Variants in FUBP1 observed in about 807,000 individuals in gnomAD.
The protein encoded by FUBP1 is far upstream element-binding protein 1.
FUBP1 carries 16 observed loss-of-function variants against 94.9 expected under a neutral mutation model. The ratio of observed to expected loss-of-function variants is 0.17; its 90% CI spans 0.11 to 0.26. The LOEUF is 0.26. FUBP1 is among the 10% of genes least tolerant of loss of function. The probability of loss-of-function intolerance (pLI) is 1.00; values close to 1 mark genes in which losing one functional copy is unlikely to be tolerated. For missense variants in FUBP1, 583 were observed against 808.6 expected, an observed-to-expected ratio of 0.72 and a Z score of 3.38; for synonymous variants, 279 against 254.9, an observed-to-expected ratio of 1.09 and a Z score of -0.90.
chr1:77,976,412 T>C (rs563484972), intron 1 of FUBP1, among the ~76,000 whole-genome samples: 3 of 152,328 alleles, frequency 2.0e-5, no homozygotes, highest in East Asian at 1.9e-4. Flanking sequence ...ATTAGCATTA[T>C]ACAACAATAA....
At chr1:77,967,798 A>AT in intron 3 of FUBP1, 132 bp from the exon 4 acceptor site, 1 of 587,156 alleles carries the variant, frequency 1.7e-6, no homozygotes, top group African/African-American at 1.9e-5. Context: ...AGAGAGTCAA[A>AT]TTTTTTACAC....
Position 77,947,733 on chromosome 1 carries a change from ATGAT to A in FUBP1, c.*1029_*1032del. On this transcript the variant is annotated 3_prime_UTR_variant, in exon 20 of 20. Coordinates refer to ENST00000370768, the MANE Select transcript of FUBP1 (RefSeq NM_003902.5). Reference sequence around the variant, plus strand: ...TACATAAAAAAATTAAGTTGATTCAATGATTGGACTTGTGCATTTACAAAACAAA... The same window carrying A: ...TACATAAAAAAATTAAGTTGATTCAATGGACTTGTGCATTTACAAAACAAA... The A allele has an allele frequency of 1.8e-6, 1 of 564,106 alleles. No individual in the cohort carries two copies. Among genetic ancestry groups the A allele is most frequent in the South Asian group, 1.9e-5 (1 of 52,022 alleles). The allele number at this position is 564,106 out of a possible 1,614,324, so 34.9% of individuals were successfully genotyped here.
intron 1 of FUBP1, among the ~76,000 whole-genome samples, chr1:77,977,618 C>G (rs1658919640): frequency 6.6e-6 from 1 of 152,120 alleles, no homozygotes; most frequent in African/African-American, 2.4e-5. Context: ...ATAGTTGGTT[C>G]CAGTAAATAA....
At chr1:77,961,976 C>T (rs1175094423) in intron 14 of FUBP1, among the ~76,000 whole-genome samples, 1 of 152,148 alleles carries the variant, frequency 6.6e-6, no homozygotes, top group Non-Finnish European at 1.5e-5. Context: ...GAAACAGTGT[C>T]AACCTTGTTT....
chr1:77,948,913 C>T (rs1477874940), intron 19 of FUBP1, 139 bp from the exon 20 acceptor site: 1 of 1,189,100 alleles, frequency 8.4e-7, no homozygotes, highest in Admixed American at 2.0e-5. Flanking sequence ...ATTTGCAAAT[C>T]CCTGGGGGAA....
Position 77,970,029 on chromosome 1 carries a change from A to G in FUBP1, c.121-14T>C, listed in dbSNP as rs2102455699. On this transcript the variant is annotated splice_polypyrimidine_tract_variant and intron_variant, in intron 1 of 19. Coordinates refer to ENST00000370768, the MANE Select transcript of FUBP1 (RefSeq NM_003902.5). Reference sequence around the variant, plus strand: ...TTTTGCTGCAATCTAAAAAAAAAAAAGAAAAATACCATCATAAACTATTAT... The same window carrying G: ...TTTTGCTGCAATCTAAAAAAAAAAAGGAAAAATACCATCATAAACTATTAT... 2.2e-6 allele frequency: 3 copies of G among 1,359,266 alleles called. No homozygotes were observed. The highest frequency in any genetic ancestry group is 3.1e-6 in the Non-Finnish European group (3 of 962,438). The allele number at this position is 1,359,266 out of a possible 1,614,324, so 84.2% of individuals were successfully genotyped here.
chr1:77,949,449 C>T (rs1388487817), intron 18 of FUBP1, 149 bp from the exon 19 acceptor site: 2 of 598,726 alleles, frequency 3.3e-6, no homozygotes, highest in Non-Finnish European at 5.8e-6. Flanking sequence ...AAAAAAAACC[C>T]CTAAACTTTA....
At chr1:77,953,409 T>C (rs930937738) in intron 18 of FUBP1, among the ~76,000 whole-genome samples, 1 of 152,124 alleles carries the variant, frequency 6.6e-6, no homozygotes, top group Non-Finnish European at 1.5e-5. Flanking sequence ...GAGAATCGCT[T>C]GAACCTGGGA....
At chr1:77,956,140 G>A (rs189738861) in intron 17 of FUBP1, among the ~76,000 whole-genome samples, 4 of 152,258 alleles carry the variant, frequency 2.6e-5, no homozygotes, top group Middle Eastern at 3.4e-3. Context: ...TATCAATGTT[G>A]ACTTACTGAT....
At chr1:77,961,630 A>G (rs956708237) in intron 14 of FUBP1, among the ~76,000 whole-genome samples, 12 of 152,208 alleles carry the variant, frequency 7.9e-5, no homozygotes. Flanking sequence ...TAAATGATTC[A>G]CAGAATTCTG....
In FUBP1 at chr1:77,960,446, A is replaced by C. The variant is rs771529431; in HGVS notation, c.1394T>G (p.Val465Gly). Reference protein sequence around the residue: ...GPPVPHGPHGVPGPHGPPGPP... With the variant: ...GPPVPHGPHGGPGPHGPPGPP... ...CCCAGGAGGTCCATGGGGGCCTGGG[A>C]CACCATGGGGCCCATGGGGTACAGG... Residue 465 changes from valine (V) to glycine (G), a missense_variant, in exon 15 of 20, where the codon GTC becomes GGC. Physicochemically the swap from Val to Gly is moderately radical, Grantham distance 109 (BLOSUM62 -3). Transcript: ENST00000370768. The C allele has an allele frequency of 1.3e-6, 2 of 1,591,644 alleles. No individual in the cohort carries two copies. The highest frequency in any genetic ancestry group is 1.7e-6 in the Non-Finnish European group (2 of 1,173,076).
chr1:77,963,970 G>C, intron 12 of FUBP1, 92 bp downstream of exon 12: 1 of 823,430 alleles, frequency 1.2e-6, no homozygotes, highest in Non-Finnish European at 2.1e-6. Flanking sequence ...GCATCATCAA[G>C]CAGACTCTGA....
rs1652620848 is a variant in FUBP1, at chr1:77,948,342, A to C, written c.*424T>G. ...TATATATTTGTGTATATGTATCTTAATTTATCATTGCTAAGAAATTATGAA... is the reference window on the plus strand; with the variant it reads ...TATATATTTGTGTATATGTATCTTACTTTATCATTGCTAAGAAATTATGAA... On this transcript the variant is annotated 3_prime_UTR_variant, in exon 20 of 20. Coordinates refer to ENST00000370768, the MANE Select transcript of FUBP1 (RefSeq NM_003902.5). 1.9e-6 allele frequency: 2 copies of C among 1,055,246 alleles called. No individual in the cohort carries two copies. Among genetic ancestry groups the C allele is most frequent in the African/African-American group, 1.6e-5 (1 of 60,868 alleles). 65.4% of individuals were successfully genotyped at this position (1,055,246 alleles called of 1,614,324 possible).
chr1:77,978,274 T>G (rs1192590360), intron 1 of FUBP1, among the ~76,000 whole-genome samples: 1 of 152,158 alleles, frequency 6.6e-6, no homozygotes, highest in East Asian at 1.9e-4. Flanking sequence ...AGATTCAAAT[T>G]GAAACCTCTG....
intron 7 of FUBP1, among the ~76,000 whole-genome samples, chr1:77,965,971 C>T (rs1313543924): frequency 6.6e-6 from 1 of 152,186 alleles, no homozygotes; most frequent in Admixed American, 6.5e-5. Context: ...GAGCCGAGAT[C>T]GTGCCCCTGC....
intron 1 of FUBP1, among the ~76,000 whole-genome samples, chr1:77,974,134 GT>G (rs34146250): frequency 0.012 from 1,433 of 122,146 alleles, 16 homozygotes; most frequent in African/African-American, 0.035. Flanking sequence ...TAATTTTTTG[GT>G]TTTTTTTTTT....
chr1:77,976,861 T>C (rs1658694190), intron 1 of FUBP1, among the ~76,000 whole-genome samples: 2 of 152,198 alleles, frequency 1.3e-5, no homozygotes, highest in Non-Finnish European at 2.9e-5. Context: ...CTTGTACCTT[T>C]CCTTGCCTCG....
chr1:77,959,517 T>C (rs373591639), intron 16 of FUBP1, among the ~76,000 whole-genome samples: 1 of 151,954 alleles, frequency 6.6e-6, no homozygotes, highest in African/African-American at 2.4e-5. Context: ...TGGACTGTTA[T>C]ATATATATAT....
intron 19 of FUBP1, 82 bp downstream of exon 19, chr1:77,949,066 TAAAAGGC>T (rs1652821167): frequency 2.4e-6 from 3 of 1,275,522 alleles, no homozygotes; most frequent in Non-Finnish European, 3.4e-6. Context: ...GATAAAAATT[TAAAAGGC>T]AAACACTCCC....
Sources: gnomAD v4.1 joint callset for allele counts (sites outside exome capture counted in the v4.1 genomes callset) on GRCh38, gnomAD v4.1.1 for gene constraint, MANE v1.5 for transcripts, NCBI Gene and HGNC (gene_info 2026-07-23, HGNC 2026-07-21) for gene names.